The following IL1RAPL2 variants were observed in gnomAD, a reference collection of about 807,000 sequenced individuals.
IL1RAPL2 encodes the protein X-linked interleukin-1 receptor accessory protein-like 2.
IL1RAPL2 carries 3 observed loss-of-function variants against 44.1 expected under a neutral mutation model. That is an observed-to-expected ratio of 0.07 (90% CI 0.03 to 0.18). IL1RAPL2 has a LOEUF of 0.18. Among genes scored for constraint, IL1RAPL2 ranks in the 10% least tolerant of loss-of-function variants. The probability of loss-of-function intolerance (pLI) is 1.00; values close to 1 mark genes in which losing one functional copy is unlikely to be tolerated. For synonymous variants in IL1RAPL2, 181 were observed against 178.8 expected (o/e 1.01, Z -0.10); for missense variants, 391 against 496.4 (o/e 0.79, Z 2.02).
chrX:104,743,176 T>G (rs759978159), intron 2 of IL1RAPL2, among the ~76,000 whole-genome samples: 2 of 110,950 alleles, frequency 1.8e-5, no homozygotes, highest in Non-Finnish European at 3.8e-5. Context: ...GTGTTTACTC[T>G]CTTTACTCCG....
intron 1 of IL1RAPL2, among the ~76,000 whole-genome samples, chrX:104,638,463 G>A (rs1483386238): frequency 9.0e-6 from 1 of 110,763 alleles, no homozygotes; most frequent in Non-Finnish European, 1.9e-5. Flanking sequence ...TTATTTATTT[G>A]AAAGCTTTCT....
At chrX:104,892,660 G>T in intron 2 of IL1RAPL2, among the ~76,000 whole-genome samples, 1 of 111,393 alleles carries the variant, frequency 9.0e-6, no homozygotes. Flanking sequence ...ATTTTTTATT[G>T]CATCTATCTG....
At position 105,750,441 on chromosome X, in the gene IL1RAPL2, TTTATTATTATTATTA is replaced by T. The variant is rs199583433; in HGVS notation, c.1192+1365_1192+1379del. On this transcript the variant is annotated intron_variant, in intron 9 of 10. Transcript: ENST00000372582. ...GGTGCATGCCACCATGCCTGGCCAA[TTTATTATTATTATTA>T]TTATTATTATTATTATTATTATTAT... Among the ~76,000 whole-genome samples the T allele has an allele frequency of 2.3e-3, 207 of 91,561 alleles. 3 individuals carry two copies. The highest frequency in any genetic ancestry group is 0.022 in the Admixed American group (175 of 8,075). 79.5% of individuals were successfully genotyped at this position (91,561 alleles called of 115,157 possible). A position where few individuals can be genotyped will look rare whatever the true frequency, so the allele number is the denominator to read the frequency against.
intron 2 of IL1RAPL2, among the ~76,000 whole-genome samples, chrX:104,890,144 C>G (rs5917165): frequency 3.6e-5 from 4 of 110,713 alleles, no homozygotes; most frequent in African/African-American, 1.3e-4. Context: ...TTTTTTATGG[C>G]TGCATAGTAT....
In IL1RAPL2 at chrX:105,720,274, T is replaced by G. The variant is rs188849456; in HGVS notation, c.902+2778T>G. On this transcript the variant is annotated intron_variant, in intron 7 of 10. Coordinates refer to ENST00000372582, the MANE Select transcript of IL1RAPL2 (RefSeq NM_017416.2). ...TATGCAATTTGTAAGGGCGGATTGA[T>G]ATATGTGTACACCTGTGAAACCATC... 6.0e-3 allele frequency among the ~76,000 whole-genome samples: 515 copies of G among 86,410 alleles called. 5 individuals are homozygous for G. Among genetic ancestry groups the G allele is most frequent in the African/African-American group, 0.021 (492 of 23,323 alleles). The allele number at this position is 86,410 out of a possible 115,157, so 75.0% of individuals were successfully genotyped here.
intron 2 of IL1RAPL2, among the ~76,000 whole-genome samples, chrX:105,107,668 G>C (rs1289250931): frequency 9.0e-6 from 1 of 111,351 alleles, no homozygotes; most frequent in Non-Finnish European, 1.9e-5. Flanking sequence ...ATGGCTTTTT[G>C]GCTGGGGCAA....
At chrX:104,794,947 T>C (rs754720678) in intron 2 of IL1RAPL2, among the ~76,000 whole-genome samples, 38 of 111,998 alleles carry the variant, frequency 3.4e-4, no homozygotes, top group Admixed American at 3.0e-3. Flanking sequence ...TATTAATTAT[T>C]AGGCTTTGCT....
chrX:104,730,255 G>C (rs1221781340), intron 2 of IL1RAPL2, among the ~76,000 whole-genome samples: 1 of 108,685 alleles, frequency 9.2e-6, no homozygotes, highest in Non-Finnish European at 1.9e-5. Flanking sequence ...TAAGTTTTAG[G>C]GTACATGTGC....
At chrX:105,458,138 C>T (rs1384114102) in intron 5 of IL1RAPL2, among the ~76,000 whole-genome samples, 4 of 110,920 alleles carry the variant, frequency 3.6e-5, no homozygotes, top group Non-Finnish European at 5.7e-5. Flanking sequence ...AAATGTCTAT[C>T]GAATTTCTTT....
At chrX:105,491,993 G>A (rs539887536) in intron 6 of IL1RAPL2, among the ~76,000 whole-genome samples, 50 of 111,906 alleles carry the variant, frequency 4.5e-4, no homozygotes, top group African/African-American at 1.4e-3. Context: ...ATTGGTGTTT[G>A]GGGGCATTGC....
chrX:104,985,739 C>T (rs2030549902), intron 2 of IL1RAPL2, among the ~76,000 whole-genome samples: 1 of 111,970 alleles, frequency 8.9e-6, no homozygotes, highest in Non-Finnish European at 1.9e-5. Context: ...TAATATATAA[C>T]ATTTTTCCCC....
intron 2 of IL1RAPL2, among the ~76,000 whole-genome samples, chrX:105,031,725 C>A (rs1247178375): frequency 9.0e-6 from 1 of 111,566 alleles, no homozygotes; most frequent in South Asian, 3.7e-4. Flanking sequence ...TGTGTCTCTG[C>A]CAGGCTTTGG....
At chrX:104,674,955 A>T (rs866073282) in intron 2 of IL1RAPL2, among the ~76,000 whole-genome samples, 4 of 110,758 alleles carry the variant, frequency 3.6e-5, no homozygotes, top group Non-Finnish European at 7.6e-5. Context: ...TCCCCTTTAT[A>T]ATTTTTTATT....
At chrX:105,209,670 T>C (rs2033792252) in intron 3 of IL1RAPL2, among the ~76,000 whole-genome samples, 1 of 112,114 alleles carries the variant, frequency 8.9e-6, no homozygotes, top group Non-Finnish European at 1.9e-5. Context: ...TATTCAGTGA[T>C]GGAAGTAGAA....
chrX:105,205,026 CAT>C (rs1170146527), intron 3 of IL1RAPL2, among the ~76,000 whole-genome samples: 1 of 111,192 alleles, frequency 9.0e-6, no homozygotes, highest in Non-Finnish European at 1.9e-5. Context: ...GTTGGGAAAA[CAT>C]ATAAATAATG....
At chrX:105,606,983 A>G (rs1483761456) in intron 6 of IL1RAPL2, among the ~76,000 whole-genome samples, 3 of 111,357 alleles carry the variant, frequency 2.7e-5, no homozygotes, top group Non-Finnish European at 5.7e-5. Flanking sequence ...AATGTTTCAT[A>G]TTTTTGAAAT....
intron 2 of IL1RAPL2, among the ~76,000 whole-genome samples, chrX:104,872,429 G>T (rs1333701197): frequency 8.9e-6 from 1 of 111,937 alleles, no homozygotes; most frequent in African/African-American, 3.2e-5. Context: ...CTTGGGCCAT[G>T]AAGGGAGCCC....
chrX:105,219,732 C>T (rs2033928401), intron 3 of IL1RAPL2: 2 of 1,206,443 alleles, frequency 1.7e-6, no homozygotes. Flanking sequence ...CTGCCCCCTG[C>T]TCCCACTCAT....
intron 2 of IL1RAPL2, among the ~76,000 whole-genome samples, chrX:104,678,059 C>A (rs1265943214): frequency 1.8e-5 from 2 of 112,574 alleles, no homozygotes; most frequent in African/African-American, 3.2e-5. Context: ...CCATCTTCTG[C>A]GTTGCTCACG....
Sources: gnomAD v4.1 joint callset for allele counts (sites outside exome capture counted in the v4.1 genomes callset) on GRCh38, gnomAD v4.1.1 for gene constraint, MANE v1.5 for transcripts, NCBI Gene and HGNC (gene_info 2026-07-23, HGNC 2026-07-21) for gene names.